DAAM1: variants seen among roughly 807,000 people sequenced by gnomAD.
DAAM1 encodes the protein dishevelled associated activator of morphogenesis 1, also known as disheveled-associated activator of morphogenesis 1.
DAAM1 carries 52 observed loss-of-function variants against 130.0 expected under a neutral mutation model. That is an observed-to-expected ratio of 0.40 (90% CI 0.32 to 0.50). DAAM1 has a LOEUF of 0.50. Among genes scored for constraint, DAAM1 ranks in the 20% least tolerant of loss-of-function variants. The pLI, the probability that DAAM1 is intolerant of heterozygous loss-of-function variation, is 0.61. For missense variants in DAAM1, 1,134 were observed against 1,303.8 expected (o/e 0.87, Z 2.01); for synonymous variants, 452 against 444.5 (o/e 1.02, Z -0.21).
intron 23 of DAAM1, among the ~76,000 whole-genome samples, chr14:59,365,657 GATATCAGAAGAATCTAACA>G (rs566836988): frequency 8.5e-5 from 13 of 152,088 alleles, no homozygotes; most frequent in African/African-American, 3.1e-4. Flanking sequence ...GTATTACTGA[GATATCAGAAGAATCTAACA>G]ATATAACAAA....
In DAAM1 at chr14:59,368,832, G is replaced by A; in HGVS notation, c.3180G>A (p.Glu1060=). The A allele has an allele frequency of 5.0e-6, 8 of 1,612,688 alleles. No homozygotes were observed. The highest frequency in any genetic ancestry group is 6.8e-6 in the Non-Finnish European group (8 of 1,179,562). The change falls in exon 25 of 25, where the codon GAG becomes GAA. Residue 1060 remains glutamate (E), a synonymous_variant. Coordinates refer to ENST00000360909, the MANE Select transcript of DAAM1 (RefSeq NM_001270520.2). ...ITNQMTDSSR[E]RPITKLNF Reference sequence around the variant, plus strand: ...ACCAGATGACTGACAGCAGCAGAGAGAGACCAATCACAAAACTTAATTTCT... The same window carrying A: ...ACCAGATGACTGACAGCAGCAGAGAAAGACCAATCACAAAACTTAATTTCT...
At chr14:59,202,884 A>G (rs1888150612) in intron 1 of DAAM1, among the ~76,000 whole-genome samples, 1 of 152,186 alleles carries the variant, frequency 6.6e-6, no homozygotes, top group Non-Finnish European at 1.5e-5. Flanking sequence ...TTTCTTTCCT[A>G]AATGTTGATT....
chr14:59,232,262 T>C (rs1889131745), intron 1 of DAAM1, among the ~76,000 whole-genome samples: 1 of 152,208 alleles, frequency 6.6e-6, no homozygotes, highest in African/African-American at 2.4e-5. Flanking sequence ...CAGTTGGATG[T>C]CACACCTCCA....
intron 1 of DAAM1, among the ~76,000 whole-genome samples, chr14:59,245,736 C>A (rs1881340311): frequency 6.6e-6 from 1 of 152,086 alleles, no homozygotes; most frequent in Non-Finnish European, 1.5e-5. Context: ...TAGCTTTTCC[C>A]CCATCGCCCC....
chr14:59,336,049 G>A (rs1458524461), intron 15 of DAAM1, among the ~76,000 whole-genome samples: 3 of 150,230 alleles, frequency 2.0e-5, no homozygotes, highest in Admixed American at 6.6e-5. Flanking sequence ...AAGACCAAAT[G>A]TAAGTTCTGT....
At chr14:59,276,897 T>C (rs964059134) in intron 2 of DAAM1, among the ~76,000 whole-genome samples, 1 of 152,224 alleles carries the variant, frequency 6.6e-6, no homozygotes, top group Non-Finnish European at 1.5e-5. Flanking sequence ...TTAGTCCTCC[T>C]GCCCATTCCC....
rs553953774 is a variant in DAAM1 at position 59,357,544 on chromosome 14, C to T, written c.2526-1853C>T. ...CTGTAATCCCAGCACTTTGGGAGGC[C>T]GAGGCCGGAAGATCATGAGGTCAGG... On this transcript the variant is annotated intron_variant, in intron 20 of 24. Coordinates refer to ENST00000360909, the MANE Select transcript of DAAM1 (RefSeq NM_001270520.2). Among the ~76,000 whole-genome samples the T allele has an allele frequency of 4.6e-5, 7 of 152,192 alleles. No individual in the cohort carries two copies. In the East Asian group the frequency reaches 5.8e-4, roughly 13 times the overall value.
In DAAM1 at chr14:59,370,032, A is replaced by G. The variant is rs1594858874; in HGVS notation, c.*1173A>G. 1.3e-5 allele frequency: 2 copies of G among 152,042 alleles called. No homozygotes were observed. The highest frequency in any genetic ancestry group is 3.4e-3 in the Middle Eastern group (1 of 294). The allele number at this position is 152,042 out of a possible 1,614,324, so 9.4% of individuals were successfully genotyped here. A position where few individuals can be genotyped will look rare whatever the true frequency, so the allele number is the denominator to read the frequency against. On this transcript the variant is annotated 3_prime_UTR_variant, in exon 25 of 25. Transcript: ENST00000360909. ...AAAAAAATAAAGCTCTCAGGGAGACATGAATAAAATCAATGAACATTAGAA... is the reference window on the plus strand; with the variant it reads ...AAAAAAATAAAGCTCTCAGGGAGACGTGAATAAAATCAATGAACATTAGAA...
At chr14:59,363,888 C>T in intron 23 of DAAM1, 106 bp downstream of exon 23, 3 of 1,477,810 alleles carry the variant, frequency 2.0e-6, no homozygotes, top group East Asian at 2.3e-5. Flanking sequence ...GAGATCCAAA[C>T]TTCGTGGTGC....
intron 3 of DAAM1, among the ~76,000 whole-genome samples, chr14:59,296,237 T>C (rs1594806382): frequency 1.3e-5 from 2 of 152,214 alleles, no homozygotes; most frequent in Admixed American, 1.3e-4. Context: ...TCTGAAATTA[T>C]CTGTCTTATC....
intron 3 of DAAM1, among the ~76,000 whole-genome samples, chr14:59,303,114 T>TAAATGTGACTGTGCGAGGCCCTC (rs1884239786): frequency 6.6e-6 from 1 of 152,214 alleles, no homozygotes; most frequent in South Asian, 2.1e-4. Flanking sequence ...ACCAAGATTC[T>TAAATGTGACTGTGCGAGGCCCTC]AAATGTGACT....
chr14:59,293,274 G>T (rs1241086510), intron 3 of DAAM1, among the ~76,000 whole-genome samples: 1 of 152,182 alleles, frequency 6.6e-6, no homozygotes, highest in African/African-American at 2.4e-5. Flanking sequence ...ACCCTTGACA[G>T]CAATAGAAAG....
rs1244464958 is a variant in DAAM1, at chr14:59,371,334, G to A, written c.*2475G>A. On this transcript the variant is annotated 3_prime_UTR_variant, in exon 25 of 25. Coordinates refer to ENST00000360909, the MANE Select transcript of DAAM1 (RefSeq NM_001270520.2). ...GATAGTACTGAGAAAAAAAAAGTAT[G>A]TGTTATGAGACTGTACATGTTTTTT... 6.6e-6 allele frequency: 1 copy of A among 151,982 alleles called. No individual in the cohort carries two copies. Among genetic ancestry groups the A allele is most frequent in the Non-Finnish European group, 1.5e-5 (1 of 67,974 alleles). 9.4% of individuals were successfully genotyped at this position (151,982 alleles called of 1,614,324 possible).
At chr14:59,197,799 C>G (rs920566587) in intron 1 of DAAM1, among the ~76,000 whole-genome samples, 3 of 152,208 alleles carry the variant, frequency 2.0e-5, no homozygotes, top group Non-Finnish European at 4.4e-5. Flanking sequence ...CCTTTGGCTT[C>G]TCTGTGGGCA....
intron 2 of DAAM1, among the ~76,000 whole-genome samples, chr14:59,279,153 C>T (rs184145490): frequency 3.8e-4 from 58 of 152,150 alleles, no homozygotes; most frequent in African/African-American, 1.3e-3. Context: ...TAACCATCAC[C>T]GCCATAGTTT....
chr14:59,327,805 T>C (rs1163716104), intron 12 of DAAM1, among the ~76,000 whole-genome samples: 1 of 152,190 alleles, frequency 6.6e-6, no homozygotes, highest in Non-Finnish European at 1.5e-5. Context: ...TGCTGAGATA[T>C]GTGTTACGAA....
intron 2 of DAAM1, among the ~76,000 whole-genome samples, chr14:59,267,060 G>T (rs976870152): frequency 6.6e-6 from 1 of 152,194 alleles, no homozygotes; most frequent in Non-Finnish European, 1.5e-5. Context: ...GATAATTCTA[G>T]TGTCTTCTAG....
At chr14:59,228,825 T>C (rs1889019942) in intron 1 of DAAM1, among the ~76,000 whole-genome samples, 1 of 152,208 alleles carries the variant, frequency 6.6e-6, no homozygotes, top group Non-Finnish European at 1.5e-5. Flanking sequence ...AAAAGGTTAC[T>C]TTGTTTTGGA....
intron 2 of DAAM1, among the ~76,000 whole-genome samples, chr14:59,281,730 C>T (rs890413346): frequency 1.3e-5 from 2 of 152,112 alleles, no homozygotes; most frequent in African/African-American, 2.4e-5. Context: ...TTCTTTATAA[C>T]GTCTGGCCCT....
Sources: gnomAD v4.1 joint callset for allele counts (sites outside exome capture counted in the v4.1 genomes callset) on GRCh38, gnomAD v4.1.1 for gene constraint, MANE v1.5 for transcripts, NCBI Gene and HGNC (gene_info 2026-07-23, HGNC 2026-07-21) for gene names.